The following ST13 variants were observed in gnomAD, a reference collection of about 807,000 sequenced individuals.
ST13 encodes the protein hsc70-interacting protein.
A neutral mutation model predicts 56.7 loss-of-function variants in ST13; 23 were observed. That is an observed-to-expected ratio of 0.41 (90% CI 0.29 to 0.57). The LOEUF is 0.57. Ranked by LOEUF, ST13 falls within the 20% of genes least tolerant of loss-of-function variation. ST13 has a pLI of 0.36. For missense variants in ST13, 369 were observed against 459.9 expected, an observed-to-expected ratio of 0.80 and a Z score of 1.81; for synonymous variants, 132 against 142.4, an observed-to-expected ratio of 0.93 and a Z score of 0.52.
chr22:40,827,453 C>T (rs944520031), intron 10 of ST13, among the ~76,000 whole-genome samples: 1 of 152,058 alleles, frequency 6.6e-6, no homozygotes, highest in South Asian at 2.1e-4. Context: ...CCTGGATTAA[C>T]TTTTTTCTAG....
At chr22:40,827,953 TTGAA>T (rs1434513357) in intron 10 of ST13, among the ~76,000 whole-genome samples, 1 of 152,236 alleles carries the variant, frequency 6.6e-6, no homozygotes, top group Non-Finnish European at 1.5e-5. Context: ...CTCTCCATTC[TTGAA>T]TATTTGTCTG....
At chr22:40,849,466 T>G (rs1229758498) in intron 2 of ST13, among the ~76,000 whole-genome samples, 1 of 116,626 alleles carries the variant, frequency 8.6e-6, no homozygotes, top group Non-Finnish European at 1.6e-5. Context: ...GGCAACAGAG[T>G]GAGACTCTGT....
Position 40,856,442 on chromosome 22 carries a change from C to T in ST13, c.99G>A (p.Glu33=). 1 of 1,613,580 alleles carries T rather than the reference C, an allele frequency of 6.2e-7. No homozygotes were observed. Among genetic ancestry groups the T allele is most frequent in the Non-Finnish European group, 8.5e-7 (1 of 1,179,620 alleles). ...GGCCTGGGTCTCACCTCTCCACCCA[C>T]TCCCTCAGGAAGCGCATTTCCTCGG... ...LHTEEMRFLR[E]WVESMGGKVP... The change falls in exon 1 of 12, where the codon GAG becomes GAA. Residue 33 remains glutamate (E), a synonymous_variant. Coordinates refer to ENST00000216218, the MANE Select transcript of ST13 (RefSeq NM_003932.5).
chr22:40,833,921 G>A (rs1002105823), intron 7 of ST13, among the ~76,000 whole-genome samples: 4 of 151,972 alleles, frequency 2.6e-5, no homozygotes, highest in African/African-American at 9.7e-5. Context: ...AAGCTACACA[G>A]AAAAAAATGA....
chr22:40,839,969 T>C (rs528393497), intron 5 of ST13, among the ~76,000 whole-genome samples: 2 of 151,566 alleles, frequency 1.3e-5, no homozygotes, highest in African/African-American at 4.8e-5. Context: ...GCCAGCATGG[T>C]GAAACCCCTT....
At position 40,832,603 on chromosome 22, in the gene ST13, T is replaced by C; in HGVS notation, c.647A>G (p.Asp216Gly). 6.2e-7 allele frequency: 1 copy of C among 1,607,668 alleles called. No homozygotes were observed. Among genetic ancestry groups the C allele is most frequent in the Non-Finnish European group, 8.5e-7 (1 of 1,179,754 alleles). Residue 216 changes from aspartate to glycine, a missense_variant, in exon 8 of 12, where the codon GAT becomes GGT. Asp to Gly is a moderately conservative substitution (Grantham distance 94). Coordinates refer to ENST00000216218, the MANE Select transcript of ST13 (RefSeq NM_003932.5). ...AACTTCTTTCAGCATTGCACTAGCA[T>C]CTTCATCATAATCCAATTTACAGGC... ...ALACKLDYDEDASAMLKEVQP... is the reference protein window; with the variant it reads ...ALACKLDYDEGASAMLKEVQP...
intron 8 of ST13, 132 bp from the exon 9 acceptor site, chr22:40,831,088 G>T: frequency 1.6e-6 from 1 of 631,972 alleles, no homozygotes; most frequent in Non-Finnish European, 2.7e-6. Context: ...TGTACAAAAA[G>T]ACCTAACACA....
At chr22:40,853,454 C>G (rs747727437) in intron 1 of ST13, among the ~76,000 whole-genome samples, 2 of 152,124 alleles carry the variant, frequency 1.3e-5, no homozygotes, top group Non-Finnish European at 2.9e-5. Context: ...CTCATAGGTA[C>G]GAAATTTCAA....
intron 10 of ST13, 22 bp downstream of exon 10, chr22:40,829,604 T>C: frequency 7.3e-7 from 1 of 1,368,974 alleles, no homozygotes; most frequent in Non-Finnish European, 9.8e-7. Context: ...ACAAAACAGT[T>C]TTAACTTTTC....
At chr22:40,844,306 TAG>T (rs1159187790) in intron 4 of ST13, among the ~76,000 whole-genome samples, 1 of 152,210 alleles carries the variant, frequency 6.6e-6, no homozygotes, top group Admixed American at 6.5e-5. Flanking sequence ...ATTACTATAT[TAG>T]AGTGTTTCTC....
At chr22:40,832,993 A>T (rs541898051) in intron 7 of ST13, among the ~76,000 whole-genome samples, 1 of 152,244 alleles carries the variant, frequency 6.6e-6, no homozygotes, top group Non-Finnish European at 1.5e-5. Context: ...CAGGACTAAC[A>T]TAATGTGTTA....
intron 2 of ST13, 138 bp from the exon 3 acceptor site, chr22:40,848,507 G>A (rs1255913379): frequency 6.1e-6 from 4 of 660,320 alleles, no homozygotes; most frequent in African/African-American, 1.8e-5. Context: ...AGCACTTTGG[G>A]AGGCTGGGGT....
At chr22:40,841,738 C>A (rs2057805513) in intron 4 of ST13, among the ~76,000 whole-genome samples, 1 of 150,488 alleles carries the variant, frequency 6.6e-6, no homozygotes, top group Admixed American at 6.7e-5. Context: ...GAACTACATG[C>A]TCGCAACCTA....
intron 5 of ST13, 54 bp from the exon 6 acceptor site, chr22:40,835,941 A>C: frequency 3.6e-6 from 5 of 1,382,362 alleles, no homozygotes; most frequent in African/African-American, 1.5e-5. Flanking sequence ...AATATTAATA[A>C]AAAGTTTTGA....
chr22:40,855,987 G>C (rs966095330), intron 1 of ST13, among the ~76,000 whole-genome samples: 1 of 151,676 alleles, frequency 6.6e-6, no homozygotes, highest in Non-Finnish European at 1.5e-5. Context: ...TACTAGTTTT[G>C]TAACTTTTAA....
intron 4 of ST13, among the ~76,000 whole-genome samples, 160 bp from the exon 5 acceptor site, chr22:40,840,852 GA>G (rs1351530195): frequency 1.3e-5 from 2 of 152,142 alleles, no homozygotes; most frequent in Non-Finnish European, 2.9e-5. Context: ...TCATTAGTGA[GA>G]AATTACATAC....
chr22:40,856,319 A>T, intron 1 of ST13, 112 bp downstream of exon 1: 2 of 920,934 alleles, frequency 2.2e-6, no homozygotes, highest in Non-Finnish European at 3.5e-6. Flanking sequence ...TTTCCCGGGC[A>T]AAGAAGGGGC....
chr22:40,833,109 T>C (rs1448689475), intron 7 of ST13, among the ~76,000 whole-genome samples: 1 of 152,104 alleles, frequency 6.6e-6, no homozygotes, highest in Non-Finnish European at 1.5e-5. Context: ...TTGGTGACAG[T>C]AGGTGAGAAT....
intron 1 of ST13, among the ~76,000 whole-genome samples, chr22:40,855,869 T>C (rs2057889556): frequency 6.9e-6 from 1 of 145,016 alleles, no homozygotes; most frequent in Non-Finnish European, 1.5e-5. Context: ...GTGATAACAC[T>C]GCCAAGTAAC....
Sources: gnomAD v4.1 joint callset for allele counts (sites outside exome capture counted in the v4.1 genomes callset) on GRCh38, gnomAD v4.1.1 for gene constraint, MANE v1.5 for transcripts, NCBI Gene and HGNC (gene_info 2026-07-23, HGNC 2026-07-21) for gene names.